The following FBXW11 variants were observed in gnomAD, a reference collection of about 807,000 sequenced individuals.
FBXW11 encodes the protein F-box/WD repeat-containing protein 11.
In FBXW11, 19 loss-of-function variants were observed where a neutral mutation model predicts 77.6. The observed-to-expected ratio is 0.24, with a 90% CI of 0.17 to 0.36. The LOEUF is 0.36. Ranked by LOEUF, FBXW11 falls within the 10% of genes least tolerant of loss-of-function variation. FBXW11 has a pLI of 1.00. For missense variants in FBXW11, 334 were observed against 704.2 expected (o/e 0.47, Z 5.95); for synonymous variants, 235 against 249.4 (o/e 0.94, Z 0.54).
At chr5:171,922,077 G>A (rs949964352) in intron 2 of FBXW11, among the ~76,000 whole-genome samples, 2 of 150,976 alleles carry the variant, frequency 1.3e-5, no homozygotes, top group African/African-American at 4.9e-5. Flanking sequence ...AACAAACAAG[G>A]GAGGGAGGGA....
At chr5:171,941,279 C>A (rs1415732574) in intron 2 of FBXW11, among the ~76,000 whole-genome samples, 1 of 152,158 alleles carries the variant, frequency 6.6e-6, no homozygotes, top group Non-Finnish European at 1.5e-5. Flanking sequence ...TAAACTAAAT[C>A]TAACCATAAG....
At chr5:171,864,673 AT>A (rs896771080) in intron 13 of FBXW11, among the ~76,000 whole-genome samples, 2 of 152,186 alleles carry the variant, frequency 1.3e-5, no homozygotes, top group African/African-American at 4.8e-5. Flanking sequence ...CAACAACAGT[AT>A]GGGGGAAAGG....
intron 1 of FBXW11, among the ~76,000 whole-genome samples, chr5:171,983,798 T>C (rs1461342178): frequency 2.0e-5 from 3 of 152,164 alleles, no homozygotes; most frequent in Middle Eastern, 3.2e-3. Flanking sequence ...AGTAATTCTG[T>C]TGGGTTCTCA....
chr5:171,875,685 A>AT (rs757206861), intron 9 of FBXW11, among the ~76,000 whole-genome samples: 1 of 152,180 alleles, frequency 6.6e-6, no homozygotes, highest in Non-Finnish European at 1.5e-5. Context: ...TCAGGACTGC[A>AT]TTTACCATAT....
rs533688250 is a variant in FBXW11 at position 171,932,452 on chromosome 5, C to A, written c.148-18047G>T. On this transcript the variant is annotated intron_variant, in intron 2 of 13. Coordinates refer to ENST00000517395, the MANE Select transcript of FBXW11 (RefSeq NM_001378974.1). Reference sequence around the variant, plus strand: ...TCTCATTCATTGCTGGTAGAAATATCAAATAGTAAGGCCACTTTATTTTTT... The same window carrying A: ...TCTCATTCATTGCTGGTAGAAATATAAAATAGTAAGGCCACTTTATTTTTT... Among the ~76,000 whole-genome samples, 656 of 152,162 alleles carry A rather than the reference C, an allele frequency of 4.3e-3. 4 individuals carry two copies. Among genetic ancestry groups the A allele is most frequent in the African/African-American group, 0.015 (612 of 41,516 alleles).
chr5:171,931,292 C>A (rs538402808), intron 2 of FBXW11, among the ~76,000 whole-genome samples: 1 of 152,298 alleles, frequency 6.6e-6, no homozygotes. Context: ...AAAGGCACTA[C>A]AAAACTACAG....
intron 1 of FBXW11, among the ~76,000 whole-genome samples, chr5:171,976,532 G>A (rs963802552): frequency 4.6e-5 from 7 of 152,108 alleles, no homozygotes; most frequent in African/African-American, 7.2e-5. Flanking sequence ...GCTGGGAGGT[G>A]GGGCTTAATG....
rs1757120655 is a variant in FBXW11, at chr5:171,862,024, T to G, written c.*2103A>C. On this transcript the variant is annotated 3_prime_UTR_variant, in exon 14 of 14. Transcript: ENST00000517395. ...GCACAATTCAAAGGTTGTCTGCATA[T>G]TCAAAGGCCATCATCTCCCAAGGAA... The G allele has an allele frequency of 6.6e-6, 1 of 152,606 alleles. No individual in the cohort carries two copies. 9.5% of individuals were successfully genotyped at this position (152,606 alleles called of 1,614,324 possible). A position where few individuals can be genotyped will look rare whatever the true frequency, so the allele number is the denominator to read the frequency against.
intron 2 of FBXW11, among the ~76,000 whole-genome samples, chr5:171,930,524 G>A (rs1265527649): frequency 6.6e-6 from 1 of 152,092 alleles, no homozygotes; most frequent in Admixed American, 6.5e-5. Flanking sequence ...TAGAAAAACT[G>A]AAAGAATTGT....
chr5:171,948,508 C>G (rs1581242144), intron 2 of FBXW11, among the ~76,000 whole-genome samples: 2 of 152,052 alleles, frequency 1.3e-5, no homozygotes, highest in East Asian at 3.9e-4. Flanking sequence ...GAGGTAGAGG[C>G]AGGAAGATCA....
At position 171,894,823 on chromosome 5, in the gene FBXW11, T is replaced by C. The variant is rs1759632584; in HGVS notation, c.715-3219A>G. ...CTGTAAAGATGGGAAGAGTAATATCTACTCCCTCAAAACCACTGTAAGGTT... is the reference window on the plus strand; with the variant it reads ...CTGTAAAGATGGGAAGAGTAATATCCACTCCCTCAAAACCACTGTAAGGTT... On this transcript the variant is annotated intron_variant, in intron 6 of 13. Transcript: ENST00000517395. Among the ~76,000 whole-genome samples the C allele has an allele frequency of 3.3e-5, 5 of 152,026 alleles. No homozygotes were observed. The South Asian group carries it at 1.0e-3, about 32-fold the overall frequency.
At chr5:171,877,138 G>A (rs1758138854) in intron 8 of FBXW11, among the ~76,000 whole-genome samples, 1 of 152,290 alleles carries the variant, frequency 6.6e-6, no homozygotes, top group Non-Finnish European at 1.5e-5. Flanking sequence ...AGAAAAGGTG[G>A]CTAATTCTGG....
intron 13 of FBXW11, among the ~76,000 whole-genome samples, chr5:171,864,354 TAA>T (rs1757252657): frequency 6.6e-6 from 1 of 152,212 alleles, no homozygotes; most frequent in South Asian, 2.1e-4. Context: ...TCAGAAAGGC[TAA>T]GTGTTTGGTT....
intron 1 of FBXW11, among the ~76,000 whole-genome samples, chr5:171,964,973 AG>A (rs1764105157): frequency 6.6e-6 from 1 of 152,150 alleles, no homozygotes; most frequent in African/African-American, 2.4e-5. Context: ...ATTATATCAC[AG>A]GGTATATTCA....
chr5:171,905,916 T>C (rs2113908173), intron 4 of FBXW11, among the ~76,000 whole-genome samples: 1 of 152,138 alleles, frequency 6.6e-6, no homozygotes, highest in South Asian at 2.1e-4. Flanking sequence ...AGAGGACACA[T>C]TACAGCCTCA....
rs185854959 is a variant in FBXW11 at position 171,869,642 on chromosome 5, G to A, written c.1530+87C>T. 9.7e-6 allele frequency: 9 copies of A among 931,354 alleles called. No individual in the cohort carries two copies. In the Admixed American group the frequency reaches 9.7e-5, roughly 10 times the overall value. The allele number at this position is 931,354 out of a possible 1,614,324, so 57.7% of individuals were successfully genotyped here. A position where few individuals can be genotyped will look rare whatever the true frequency, so the allele number is the denominator to read the frequency against. ...AAGGCATCTTGTGAGACACACAAGC[G>A]TTCCTGTGATACACCTAGACAGGAC... On this transcript the variant is annotated intron_variant, in intron 12 of 13. Transcript: ENST00000517395. This position sits in a 1 kb window ranked among gnomAD's most constrained non-coding sequence, Gnocchi z 4.1.
At chr5:171,953,413 G>T (rs1172738938) in intron 2 of FBXW11, among the ~76,000 whole-genome samples, 1 of 152,102 alleles carries the variant, frequency 6.6e-6, no homozygotes, top group African/African-American at 2.4e-5. Flanking sequence ...AACAAGAAAT[G>T]ACAAATCCCT....
chr5:172,002,120 C>A (rs1314206063), intron 1 of FBXW11, among the ~76,000 whole-genome samples: 1 of 152,134 alleles, frequency 6.6e-6, no homozygotes, highest in Non-Finnish European at 1.5e-5. Flanking sequence ...TCTTACAGGG[C>A]AGATAATTTT....
chr5:171,900,185 A>G (rs1441249689), intron 4 of FBXW11, 85 bp from the exon 5 acceptor site: 2 of 1,200,418 alleles, frequency 1.7e-6, no homozygotes. Flanking sequence ...AGAGGAATAA[A>G]GAAATCCTGA....
Sources: gnomAD v4.1 joint callset for allele counts (sites outside exome capture counted in the v4.1 genomes callset) on GRCh38, gnomAD v4.1.1 for gene constraint, Gnocchi (gnomAD v3.1) non-coding constraint, MANE v1.5 for transcripts, NCBI Gene and HGNC (gene_info 2026-07-23, HGNC 2026-07-21) for gene names.